FAM107B: variants seen among roughly 807,000 people sequenced by gnomAD.
The protein encoded by FAM107B is family with sequence similarity 107 member B.
In FAM107B, 21 loss-of-function variants were observed where a neutral mutation model predicts 31.5. That is an observed-to-expected ratio of 0.67 (90% confidence interval 0.47 to 0.96). The LOEUF (loss-of-function observed/expected upper bound fraction) is 0.96, where lower values mean the gene tolerates loss of function less well. Ranked by LOEUF, FAM107B falls within the 40% of genes least tolerant of loss-of-function variation. FAM107B has a pLI of 0.00. For missense variants in FAM107B, 452 were observed against 377.1 expected, an observed-to-expected ratio of 1.20 and a Z score of -1.64; for synonymous variants, 157 against 141.5, an observed-to-expected ratio of 1.11 and a Z score of -0.78.
chr10:14,652,100 A>G (rs1268457067), intron 2 of FAM107B, among the ~76,000 whole-genome samples: 3 of 152,114 alleles, frequency 2.0e-5, no homozygotes, highest in African/African-American at 7.2e-5. Flanking sequence ...AGTTAAACAT[A>G]ATGTTTTGAT....
intron 3 of FAM107B, among the ~76,000 whole-genome samples, chr10:14,523,817 A>C (rs1845919309): frequency 6.6e-6 from 1 of 152,136 alleles, no homozygotes; most frequent in Non-Finnish European, 1.5e-5. Flanking sequence ...TAAAAATCAC[A>C]AAAACTTAAT....
chr10:14,662,318 C>G (rs988101110), intron 2 of FAM107B, among the ~76,000 whole-genome samples: 4 of 151,796 alleles, frequency 2.6e-5, no homozygotes, highest in Middle Eastern at 3.2e-3. Flanking sequence ...AGAAAGTGAC[C>G]AACCACGCTG....
chr10:14,697,216 G>A (rs555728145), intron 1 of FAM107B, among the ~76,000 whole-genome samples: 204 of 152,288 alleles, frequency 1.3e-3, no homozygotes, highest in Non-Finnish European at 2.5e-3. Flanking sequence ...CTGCCACATT[G>A]CCTCTGCCGC....
intron 1 of FAM107B, among the ~76,000 whole-genome samples, chr10:14,717,777 C>T (rs777435290): frequency 3.3e-5 from 5 of 152,022 alleles, no homozygotes; most frequent in Admixed American, 6.6e-5. Flanking sequence ...AGCAATGCTT[C>T]GCCAGCCATC....
chr10:14,762,754 TCA>T (rs35574582), intron 1 of FAM107B, among the ~76,000 whole-genome samples: 27,472 of 115,688 alleles, frequency 0.24, 3,095 homozygotes, highest in Non-Finnish European at 0.27. Flanking sequence ...AAACTCTGTC[TCA>T]CACACACACA....
intron 2 of FAM107B, among the ~76,000 whole-genome samples, chr10:14,585,383 C>A (rs2131321209): frequency 6.6e-6 from 1 of 152,242 alleles, no homozygotes; most frequent in African/African-American, 2.4e-5. Flanking sequence ...GTCAACCAGG[C>A]TGATGAGTAG....
chr10:14,519,083 CA>C lies in FAM107B; in HGVS notation c.*2106del, dbSNP rs1484439921. 1 of 152,216 alleles carries C rather than the reference CA, an allele frequency of 6.6e-6. No individual in the cohort carries two copies. Among genetic ancestry groups the C allele is most frequent in the Non-Finnish European group, 1.5e-5 (1 of 68,022 alleles). The allele number at this position is 152,216 out of a possible 1,614,324, so 9.4% of individuals were successfully genotyped here. On this transcript the variant is annotated 3_prime_UTR_variant, in exon 5 of 5. Coordinates refer to ENST00000181796, the MANE Select transcript of FAM107B (RefSeq NM_031453.4). ...CGCTATTTACAAGTCTCCTTTTGGC[CA>C]GATTTTGTATTACTAATTACAAATA... is the stretch of plus-strand genomic sequence containing the variant.
chr10:14,578,785 G>A (rs147619974), intron 2 of FAM107B, among the ~76,000 whole-genome samples: 12 of 152,294 alleles, frequency 7.9e-5, no homozygotes, highest in Non-Finnish European at 1.3e-4. Flanking sequence ...AGAGAAGTAT[G>A]CATACCATTC....
At chr10:14,662,257 G>A (rs994998473) in intron 2 of FAM107B, among the ~76,000 whole-genome samples, 6 of 152,142 alleles carry the variant, frequency 3.9e-5, no homozygotes, top group Non-Finnish European at 7.4e-5. Flanking sequence ...ACAGTCGAAC[G>A]GAGTCTTCAT....
chr10:14,614,811 T>G (rs1852810436), intron 2 of FAM107B, among the ~76,000 whole-genome samples: 1 of 151,930 alleles, frequency 6.6e-6, no homozygotes, highest in Non-Finnish European at 1.5e-5. Context: ...GATGGGCACC[T>G]TTGTGAAACG....
At position 14,724,296 on chromosome 10, in the gene FAM107B, G is replaced by T. The variant is rs560011509; in HGVS notation, c.411+49957C>A. 9.2e-5 allele frequency among the ~76,000 whole-genome samples: 14 copies of T among 152,138 alleles called. No homozygotes were observed. The South Asian group carries it at 2.1e-3, about 23-fold the overall frequency. On this transcript the variant is annotated intron_variant, in intron 1 of 4. Transcript: ENST00000181796. Reference sequence around the variant, plus strand: ...ATTTTTGTATATAATGTGAGGTAGGGGTCCAACAGTCTTCTTTTGCTTATG... The same window carrying T: ...ATTTTTGTATATAATGTGAGGTAGGTGTCCAACAGTCTTCTTTTGCTTATG...
chr10:14,659,895 C>T (rs56062936), intron 2 of FAM107B, among the ~76,000 whole-genome samples: 16,387 of 152,188 alleles, frequency 0.11, 991 homozygotes, highest in Non-Finnish European at 0.14. Context: ...ACAGAAGTTA[C>T]AAAAATACTT....
At chr10:14,558,193 ACACT>A (rs56059599) in intron 2 of FAM107B, among the ~76,000 whole-genome samples, 46,423 of 151,904 alleles carry the variant, frequency 0.31, 7,435 homozygotes, top group East Asian at 0.37. Context: ...GTGTGTGCAC[ACACT>A]CACGTGCACG....
intron 1 of FAM107B, among the ~76,000 whole-genome samples, chr10:14,705,988 C>G (rs1479751617): frequency 6.6e-6 from 1 of 152,182 alleles, no homozygotes; most frequent in Non-Finnish European, 1.5e-5. Context: ...CGCACTCTTG[C>G]TAAACTCCTA....
At position 14,626,505 on chromosome 10, in the gene FAM107B, T is replaced by C. The variant is rs1853167386; in HGVS notation, c.469+41129A>G. Among the ~76,000 whole-genome samples the C allele has an allele frequency of 2.8e-5, 3 of 106,856 alleles. No individual in the cohort carries two copies. The South Asian group carries it at 1.3e-3, about 45-fold the overall frequency. 70.1% of individuals were successfully genotyped at this position (106,856 alleles called of 152,430 possible). A position where few individuals can be genotyped will look rare whatever the true frequency, so the allele number is the denominator to read the frequency against. ...TGTGGAATTTGAGGCGGATCTTTTT[T>C]TTCTTTTTTTTTTTTTGAGACAGAG... is the stretch of plus-strand genomic sequence containing the variant. On this transcript the variant is annotated intron_variant, in intron 2 of 4. Transcript: ENST00000181796.
At chr10:14,711,972 G>A (rs117584236) in intron 1 of FAM107B, among the ~76,000 whole-genome samples, 4 of 152,188 alleles carry the variant, frequency 2.6e-5, no homozygotes, top group South Asian at 4.1e-4. Context: ...GTTAAGTGAC[G>A]CAAGACTTTA....
intron 2 of FAM107B, among the ~76,000 whole-genome samples, chr10:14,621,139 G>A (rs1853000201): frequency 6.6e-6 from 1 of 151,990 alleles, no homozygotes; most frequent in South Asian, 2.1e-4. Flanking sequence ...TTGCAATAAA[G>A]ACCATTTTAT....
intron 1 of FAM107B, among the ~76,000 whole-genome samples, chr10:14,738,822 C>T (rs1034407979): frequency 2.6e-5 from 4 of 152,182 alleles, no homozygotes; most frequent in African/African-American, 4.8e-5. Flanking sequence ...CACTAGTTGC[C>T]GTCTGTTCTG....
At chr10:14,647,708 T>G (rs1853793410) in intron 2 of FAM107B, among the ~76,000 whole-genome samples, 2 of 150,198 alleles carry the variant, frequency 1.3e-5, no homozygotes, top group Admixed American at 1.3e-4. Context: ...AAAAAAAGAT[T>G]GCTAATTCAA....
Sources: allele counts gnomAD v4.1 joint callset (sites outside exome capture counted in the v4.1 genomes callset), GRCh38; gene constraint gnomAD v4.1.1; transcripts MANE v1.5; gene names NCBI Gene and HGNC (gene_info 2026-07-23, HGNC 2026-07-21).